RAD54L2: variants seen among roughly 807,000 people sequenced by gnomAD.
The protein encoded by RAD54L2 is helicase ARIP4.
Under a neutral mutation model 138.4 loss-of-function variants are expected in RAD54L2, and 27 were observed. That is an observed-to-expected ratio of 0.20 (90% CI 0.14 to 0.27). The LOEUF is 0.27. RAD54L2 is among the 10% of genes least tolerant of loss of function. The pLI is 1.00. For synonymous variants in RAD54L2, 644 were observed against 723.2 expected (o/e 0.89, Z 1.76); for missense variants, 1,396 against 1,890.2 (o/e 0.74, Z 4.85).
Position 51,645,103 on chromosome 3 carries a change from G to A in RAD54L2, c.2530G>A (p.Ala844Thr). Reference protein sequence around the residue: ...FDASWNPCHDAQAVCRVYRYG... With the variant: ...FDASWNPCHDTQAVCRVYRYG... Reference sequence around the variant, plus strand: ...TGCTTCCTGGAACCCTTGCCATGATGCCCAGGCAGTATGTCGGGTATACCG... The same window carrying A: ...TGCTTCCTGGAACCCTTGCCATGATACCCAGGCAGTATGTCGGGTATACCG... Residue 844 changes from alanine (A) to threonine (T), a missense_variant, in exon 17 of 23, where the codon GCC becomes ACC. Ala to Thr is a moderately conservative substitution (Grantham distance 58). Coordinates refer to ENST00000684192, the MANE Select transcript of RAD54L2 (RefSeq NM_015106.4). This position sits in a 1 kb window ranked among gnomAD's most constrained non-coding sequence, Gnocchi z 6.1. 6.2e-7 allele frequency: 1 copy of A among 1,613,986 alleles called. No individual in the cohort carries two copies. The highest frequency in any genetic ancestry group is 1.3e-5 in the African/African-American group (1 of 75,040).
rs1342074954 is a variant in RAD54L2, at chr3:51,666,668, C to A, written c.*3248C>A. ...GTAGCTATTTAAGAAAGGAAGTGAA[C>A]CATGTTGGGTCATATCATTTTCTTT... On this transcript the variant is annotated 3_prime_UTR_variant, in exon 23 of 23. Coordinates refer to ENST00000684192, the MANE Select transcript of RAD54L2 (RefSeq NM_015106.4). The A allele has an allele frequency of 5.9e-5, 9 of 152,140 alleles. No homozygotes were observed. The highest frequency in any genetic ancestry group is 5.2e-4 in the Admixed American group (8 of 15,282). 9.4% of individuals were successfully genotyped at this position (152,140 alleles called of 1,614,324 possible). A position where few individuals can be genotyped will look rare whatever the true frequency, so the allele number is the denominator to read the frequency against.
intron 2 of RAD54L2, among the ~76,000 whole-genome samples, chr3:51,553,342 C>CT (rs775764421): frequency 6.6e-6 from 1 of 152,114 alleles, no homozygotes; most frequent in Admixed American, 6.5e-5. Flanking sequence ...TCCCAAAGTG[C>CT]TGGGATTACA....
chr3:51,593,029 G>GT (rs1461466892), intron 3 of RAD54L2, among the ~76,000 whole-genome samples: 1 of 152,146 alleles, frequency 6.6e-6, no homozygotes, highest in African/African-American at 2.4e-5. Context: ...GAATAATCTA[G>GT]TTTTAGTTGG....
intron 3 of RAD54L2, among the ~76,000 whole-genome samples, chr3:51,601,724 A>G (rs1221823037): frequency 6.6e-6 from 1 of 151,996 alleles, no homozygotes; most frequent in Non-Finnish European, 1.5e-5. Flanking sequence ...GATTACAGGC[A>G]TTTGCCACCA....
intron 6 of RAD54L2, 34 bp downstream of exon 6, chr3:51,630,422 A>T (rs1700807927): frequency 6.4e-7 from 1 of 1,565,752 alleles, no homozygotes. Context: ...CTTTCTTCCG[A>T]CCTGGTGTTC....
Position 51,565,856 on chromosome 3 carries a change from T to C in RAD54L2, c.-55+24206T>C, listed in dbSNP as rs187838764. On this transcript the variant is annotated intron_variant, in intron 2 of 22. Transcript: ENST00000684192. ...CCCCCCTTTTTTTTTTGAGACGGAGTCTTGCTCTGTCACCCAGGCTGGAGT... is the reference window on the plus strand; with the variant it reads ...CCCCCCTTTTTTTTTTGAGACGGAGCCTTGCTCTGTCACCCAGGCTGGAGT... Among the ~76,000 whole-genome samples, 845 of 115,464 alleles carry C rather than the reference T, an allele frequency of 7.3e-3. 29 individuals carry two copies. Among genetic ancestry groups the C allele is most frequent in the Admixed American group, 0.071 (634 of 8,924 alleles). 75.7% of individuals were successfully genotyped at this position (115,464 alleles called of 152,430 possible).
At position 51,663,640 on chromosome 3, in the gene RAD54L2, G is replaced by T; in HGVS notation, c.*220G>T. The T allele has an allele frequency of 1.9e-6, 1 of 524,108 alleles. No homozygotes were observed. The highest frequency in any genetic ancestry group is 3.3e-6 in the Non-Finnish European group (1 of 303,444). The allele number at this position is 524,108 out of a possible 1,614,324, so 32.5% of individuals were successfully genotyped here. On this transcript the variant is annotated 3_prime_UTR_variant, in exon 23 of 23. Transcript: ENST00000684192. ...AAAAGTCCAACACAGCAGCAATAGC[G>T]GGAAATCAGGGACCCAAAACAGGGA...
chr3:51,577,379 A>C (rs1699503181), intron 2 of RAD54L2, among the ~76,000 whole-genome samples: 1 of 152,180 alleles, frequency 6.6e-6, no homozygotes, highest in Admixed American at 6.6e-5. Context: ...TGCAGAGCTG[A>C]GTTCAATTCC....
In RAD54L2 at chr3:51,590,555, G is replaced by C; in HGVS notation, c.135G>C (p.Leu45=). 6.4e-7 allele frequency: 1 copy of C among 1,552,358 alleles called. No homozygotes were observed. The highest frequency in any genetic ancestry group is 8.7e-7 in the Non-Finnish European group (1 of 1,147,152). Residue 45 remains leucine, a synonymous_variant, in exon 3 of 23, where the codon CTG becomes CTC. Transcript: ENST00000684192. ...ECDRDDEEDL[L]DDPSLEGMCG... ...ACAGGGATGATGAAGAAGACCTGCT[G>C]GATGGTAAGTGGGCTCTATTGAGTG...
At chr3:51,621,825 A>G (rs1333047333) in intron 3 of RAD54L2, among the ~76,000 whole-genome samples, 2 of 152,234 alleles carry the variant, frequency 1.3e-5, no homozygotes, top group Non-Finnish European at 2.9e-5. Flanking sequence ...GTGCCAACCC[A>G]GCCTCAAGTG....
At chr3:51,612,951 A>AT (rs1700362977) in intron 3 of RAD54L2, among the ~76,000 whole-genome samples, 1 of 151,816 alleles carries the variant, frequency 6.6e-6, no homozygotes, top group Admixed American at 6.6e-5. Context: ...TTATTTATTT[A>AT]TTTTTTTGAG....
chr3:51,540,776 G>T lies in RAD54L2; in HGVS notation c.-116-813G>T, dbSNP rs781863072. On this transcript the variant is annotated intron_variant, in intron 1 of 22. Transcript: ENST00000684192. ...ATGGTATTCTTTCTTTCTTGGCTGG[G>T]TGTGGTGGCTAACGCCTGTAATCCC... Among the ~76,000 whole-genome samples, 28 of 152,044 alleles carry T rather than the reference G, an allele frequency of 1.8e-4. 2 individuals are homozygous for T. Among genetic ancestry groups the T allele is most frequent in the Non-Finnish European group, 7.4e-5 (5 of 68,006 alleles).
intron 7 of RAD54L2, among the ~76,000 whole-genome samples, chr3:51,631,807 A>AT (rs1191483193): frequency 2.7e-5 from 4 of 150,570 alleles, no homozygotes; most frequent in African/African-American, 9.8e-5. Flanking sequence ...CTAATTTTTA[A>AT]TTTTTTTGTA....
chr3:51,645,658 C>T lies in RAD54L2; in HGVS notation c.2724C>T (p.His908=). ...FTRKEVENLL[H]FVEKEPAPQV... ...GGAAAGAGGTGGAAAACCTACTGCA[C>T]TTTGTTGAGAAGGAGCCAGCTCCCC... is the stretch of plus-strand genomic sequence containing the variant. The change falls in exon 18 of 23, where the codon CAC becomes CAT. Residue 908 remains histidine (H), a synonymous_variant. Transcript: ENST00000684192. This position sits in a 1 kb window ranked among gnomAD's most constrained non-coding sequence, Gnocchi z 6.1. 5 of 1,612,498 alleles carry T rather than the reference C, an allele frequency of 3.1e-6. No homozygotes were observed. Among genetic ancestry groups the T allele is most frequent in the Non-Finnish European group, 4.2e-6 (5 of 1,179,306 alleles).
intron 22 of RAD54L2, among the ~76,000 whole-genome samples, chr3:51,660,810 T>C (rs1003609940): frequency 2.0e-5 from 3 of 149,640 alleles, no homozygotes; most frequent in Non-Finnish European, 3.0e-5. Flanking sequence ...TTAGTAGAGA[T>C]TGGGTTTCAC....
Position 51,646,239 on chromosome 3 carries a change from T to A in RAD54L2, c.2830-46T>A, listed in dbSNP as rs1296498156. The A allele has an allele frequency of 3.3e-6, 5 of 1,500,646 alleles. No individual in the cohort carries two copies. The Admixed American group carries it at 1.0e-4, about 31-fold the overall frequency. The allele number at this position is 1,500,646 out of a possible 1,614,324, so 93.0% of individuals were successfully genotyped here. ...TGGTCCTAAAGTAAGGCTCATTATCTATCAGCCATGTTGGTAACTAAATCA... is the reference window on the plus strand; with the variant it reads ...TGGTCCTAAAGTAAGGCTCATTATCAATCAGCCATGTTGGTAACTAAATCA... On this transcript the variant is annotated intron_variant, in intron 18 of 22. Coordinates refer to ENST00000684192, the MANE Select transcript of RAD54L2 (RefSeq NM_015106.4).
intron 10 of RAD54L2, among the ~76,000 whole-genome samples, chr3:51,636,894 C>T (rs1700994662): frequency 6.6e-6 from 1 of 152,044 alleles, no homozygotes; most frequent in African/African-American, 2.4e-5. Flanking sequence ...GATTGCGCCA[C>T]TGCACTCCAG....
At chr3:51,626,328 C>T (rs1197650290) in intron 3 of RAD54L2, among the ~76,000 whole-genome samples, 1 of 151,046 alleles carries the variant, frequency 6.6e-6, no homozygotes, top group Admixed American at 6.6e-5. Flanking sequence ...GAACAGAATG[C>T]TACTCAGCAG....
Position 51,663,128 on chromosome 3 carries a change from T to G in RAD54L2, c.4112T>G (p.Leu1371Arg). Residue 1371 changes from leucine to arginine, a missense_variant, in exon 23 of 23, where the codon CTC becomes CGC. Physicochemically the swap from Leu to Arg is moderately radical, Grantham distance 102. This residue lies in a region of RAD54L2 where 634 missense variants were observed against 711.2 expected (regional missense o/e 0.89). Coordinates refer to ENST00000684192, the MANE Select transcript of RAD54L2 (RefSeq NM_015106.4). ...ACTGCCAGCAACCCCTCCTTCATGC[T>G]CAACCCTTCTGTGCCAGGGATACTA... ...SVTASNPSFM[L>R]NPSVPGILPS... The G allele has an allele frequency of 6.2e-7, 1 of 1,613,948 alleles. No individual in the cohort carries two copies. Among genetic ancestry groups the G allele is most frequent in the Non-Finnish European group, 8.5e-7 (1 of 1,179,862 alleles).
Sources: gnomAD v4.1 joint callset for allele counts (sites outside exome capture counted in the v4.1 genomes callset) on GRCh38, gnomAD v4.1.1 for gene constraint, gnomAD v4.1.1 regional missense constraint, Gnocchi (gnomAD v3.1) non-coding constraint, MANE v1.5 for transcripts, NCBI Gene and HGNC (gene_info 2026-07-23, HGNC 2026-07-21) for gene names.